NRG1: variants seen among roughly 807,000 people sequenced by gnomAD.
NRG1 encodes the protein pro-neuregulin-1, membrane-bound isoform.
NRG1 carries 18 observed loss-of-function variants against 63.8 expected under a neutral mutation model. The ratio of observed to expected loss-of-function variants is 0.28; its 90% CI spans 0.19 to 0.42. The LOEUF (loss-of-function observed/expected upper bound fraction) is 0.42, where lower values mean the gene tolerates loss of function less well. Among genes scored for constraint, NRG1 ranks in the 10% least tolerant of loss-of-function variants. The probability of loss-of-function intolerance (pLI) is 1.00; values close to 1 mark genes in which losing one functional copy is unlikely to be tolerated. For synonymous variants in NRG1, 302 were observed against 301.3 expected (o/e 1.00, Z -0.02); for missense variants, 762 against 814.7 (o/e 0.94, Z 0.79).
chr8:31,798,182 A>G (rs188210839), intron 1 of NRG1, among the ~76,000 whole-genome samples: 7 of 152,298 alleles, frequency 4.6e-5, no homozygotes, highest in East Asian at 1.9e-4. Context: ...TGATTTATTT[A>G]TATTTTCAAA....
At chr8:32,251,546 G>A (rs879182703) in intron 1 of NRG1, among the ~76,000 whole-genome samples, 1 of 152,164 alleles carries the variant, frequency 6.6e-6, no homozygotes, top group South Asian at 2.1e-4. Context: ...ATAATAGAGT[G>A]ACTTATAATC....
intron 1 of NRG1, among the ~76,000 whole-genome samples, chr8:32,592,408 A>G (rs1488708282): frequency 6.6e-6 from 1 of 152,052 alleles, no homozygotes; most frequent in Non-Finnish European, 1.5e-5. Context: ...TTGACTTGCC[A>G]TGTCTCTTTA....
intron 1 of NRG1, among the ~76,000 whole-genome samples, chr8:31,872,349 T>G (rs577739759): frequency 1.2e-4 from 19 of 152,320 alleles, no homozygotes; most frequent in Admixed American, 6.5e-4. Flanking sequence ...AATTCCTTCT[T>G]TCTTGTTCCA....
At chr8:32,632,095 AAT>A (rs1287399611) in intron 5 of NRG1, among the ~76,000 whole-genome samples, 1 of 152,220 alleles carries the variant, frequency 6.6e-6, no homozygotes, top group Non-Finnish European at 1.5e-5. Flanking sequence ...ATTAAAAAGT[AAT>A]GTTTTATTTT....
chr8:32,397,379 A>G (rs923261950), intron 1 of NRG1, among the ~76,000 whole-genome samples: 2 of 152,200 alleles, frequency 1.3e-5, no homozygotes, highest in African/African-American at 4.8e-5. Context: ...GTTAATATGT[A>G]TAAAAACTTG....
intron 1 of NRG1, among the ~76,000 whole-genome samples, chr8:32,051,057 T>A (rs1044910660): frequency 8.5e-5 from 13 of 152,106 alleles, no homozygotes; most frequent in African/African-American, 3.1e-4. Flanking sequence ...AATCCTTCCA[T>A]GTTCTCCCTC....
intron 1 of NRG1, among the ~76,000 whole-genome samples, chr8:32,336,348 C>T (rs1323542575): frequency 2.0e-5 from 3 of 152,070 alleles, no homozygotes; most frequent in African/African-American, 4.8e-5. Flanking sequence ...CATGGAGCAG[C>T]GAGAGAACAA....
chr8:32,021,694 C>T (rs1188902577), intron 1 of NRG1, among the ~76,000 whole-genome samples: 1 of 121,160 alleles, frequency 8.3e-6, no homozygotes, highest in Non-Finnish European at 2.0e-5. Context: ...TAAAAGCCTT[C>T]AGAATCATAA....
At chr8:31,888,462 C>T (rs557440486) in intron 1 of NRG1, among the ~76,000 whole-genome samples, 107 of 152,096 alleles carry the variant, frequency 7.0e-4, no homozygotes, top group African/African-American at 2.4e-3. Flanking sequence ...AAAGTCAAGC[C>T]AGCAATATGT....
intron 1 of NRG1, among the ~76,000 whole-genome samples, chr8:32,113,959 A>G (rs1472442928): frequency 6.6e-6 from 1 of 152,222 alleles, no homozygotes; most frequent in Admixed American, 6.5e-5. Context: ...TTAGCACTCA[A>G]TAAATTGTAG....
chr8:32,040,593 G>A (rs1563712743), intron 1 of NRG1, among the ~76,000 whole-genome samples: 4 of 141,702 alleles, frequency 2.8e-5, no homozygotes, highest in African/African-American at 7.7e-5. Flanking sequence ...GTGTGTGTGT[G>A]TATATGTATA....
intron 1 of NRG1, among the ~76,000 whole-genome samples, chr8:32,367,808 T>TA (rs1367999145): frequency 1.3e-5 from 2 of 152,212 alleles, no homozygotes; most frequent in African/African-American, 4.8e-5. Flanking sequence ...TTTCAGGTCC[T>TA]AAATTTAAGT....
intron 1 of NRG1, among the ~76,000 whole-genome samples, chr8:32,109,058 A>G (rs902115007): frequency 1.3e-5 from 2 of 152,220 alleles, no homozygotes; most frequent in African/African-American, 4.8e-5. Context: ...TACTGCTGCA[A>G]CATCTTTGGT....
chr8:31,789,749 C>G (rs893964789), intron 1 of NRG1, among the ~76,000 whole-genome samples: 15 of 152,096 alleles, frequency 9.9e-5, no homozygotes, highest in African/African-American at 3.6e-4. Context: ...GTTTCCATTG[C>G]TATGATGGTT....
chr8:31,796,691 C>CAGG (rs1821262153), intron 1 of NRG1, among the ~76,000 whole-genome samples: 1 of 152,050 alleles, frequency 6.6e-6, no homozygotes, highest in Non-Finnish European at 1.5e-5. Flanking sequence ...CCTGCCTCAG[C>CAGG]CTCCCAAAGT....
intron 1 of NRG1, among the ~76,000 whole-genome samples, chr8:31,642,044 G>T (rs1382161281): frequency 6.6e-6 from 1 of 152,172 alleles, no homozygotes; most frequent in Non-Finnish European, 1.5e-5. Flanking sequence ...GACCTGTTAG[G>T]ATTGCACCAC....
chr8:32,218,581 A>G (rs891562373), intron 1 of NRG1, among the ~76,000 whole-genome samples: 3 of 152,346 alleles, frequency 2.0e-5, no homozygotes, highest in East Asian at 1.9e-4. Context: ...TCCACAAAAA[A>G]TGACATTTAG....
intron 1 of NRG1, among the ~76,000 whole-genome samples, chr8:31,861,203 T>C (rs1828441026): frequency 6.6e-6 from 1 of 152,170 alleles, no homozygotes; most frequent in African/African-American, 2.4e-5. Context: ...AGCTAGGGTC[T>C]CAAACCTATA....
At chr8:32,192,377 A>C (rs1397852186) in intron 1 of NRG1, among the ~76,000 whole-genome samples, 2 of 152,192 alleles carry the variant, frequency 1.3e-5, no homozygotes, top group Non-Finnish European at 2.9e-5. Flanking sequence ...TATACATATG[A>C]TACGTATACA....
Sources: gnomAD v4.1 joint callset for allele counts (sites outside exome capture counted in the v4.1 genomes callset) on GRCh38, gnomAD v4.1.1 for gene constraint, MANE v1.5 for transcripts, NCBI Gene and HGNC (gene_info 2026-07-23, HGNC 2026-07-21) for gene names.